EML4: variants seen among roughly 807,000 people sequenced by gnomAD.
EML4 encodes the protein EMAP like 4.
EML4 carries 72 observed loss-of-function variants against 129.0 expected under a neutral mutation model. That is an observed-to-expected ratio of 0.56 (90% CI 0.46 to 0.68). The LOEUF is 0.68. EML4 is among the 30% of genes least tolerant of loss of function. The probability of loss-of-function intolerance (pLI) is 0.00; values close to 1 mark genes in which losing one functional copy is unlikely to be tolerated. For missense variants in EML4, 1,363 were observed against 1,190.6 expected, an observed-to-expected ratio of 1.14 and a Z score of -2.13; for synonymous variants, 532 against 405.0, an observed-to-expected ratio of 1.31 and a Z score of -3.77.
In EML4 at chr2:42,183,012, C is replaced by T. The variant is rs559267537; in HGVS notation, c.25+13376C>T. Among the ~76,000 whole-genome samples, 4 of 152,188 alleles carry T rather than the reference C, an allele frequency of 2.6e-5. No homozygotes were observed. In the South Asian group the frequency reaches 8.3e-4, roughly 32 times the overall value. On this transcript the variant is annotated intron_variant, in intron 1 of 22. Transcript: ENST00000318522. Reference sequence around the variant, plus strand: ...TCTACCAAAAGTACAAAAAATTAGCCAGGCATGGTGGTGCACTCCTGTGAT... The same window carrying T: ...TCTACCAAAAGTACAAAAAATTAGCTAGGCATGGTGGTGCACTCCTGTGAT...
intron 17 of EML4, among the ~76,000 whole-genome samples, chr2:42,307,725 T>C (rs1396752722): frequency 6.6e-6 from 1 of 152,210 alleles, no homozygotes; most frequent in East Asian, 1.9e-4. Context: ...ATGATCCCAG[T>C]TCACTGTAAC....
At chr2:42,310,562 T>G (rs1231690476) in intron 17 of EML4, among the ~76,000 whole-genome samples, 4 of 152,168 alleles carry the variant, frequency 2.6e-5, no homozygotes, top group African/African-American at 7.2e-5. Flanking sequence ...GTCAAGCTGG[T>G]CTTGAACTCC....
chr2:42,234,576 C>T (rs758179177), intron 1 of EML4, among the ~76,000 whole-genome samples: 1 of 152,214 alleles, frequency 6.6e-6, no homozygotes, highest in Non-Finnish European at 1.5e-5. Flanking sequence ...TAGCCCCCTT[C>T]TCCCTGTAAA....
intron 19 of EML4, among the ~76,000 whole-genome samples, chr2:42,321,610 G>C (rs1384945806): frequency 6.6e-6 from 1 of 152,056 alleles, no homozygotes; most frequent in Non-Finnish European, 1.5e-5. Flanking sequence ...CACTAAGTCA[G>C]TTCTCAGAGT....
chr2:42,190,030 C>A, intron 1 of EML4, among the ~76,000 whole-genome samples: 1 of 150,442 alleles, frequency 6.6e-6, no homozygotes, highest in African/African-American at 2.4e-5. Context: ...TGTTTTACAA[C>A]CAGAAGAGGT....
intron 16 of EML4, 131 bp from the exon 17 acceptor site, chr2:42,304,353 T>C (rs550187041): frequency 4.4e-6 from 3 of 684,360 alleles, no homozygotes; most frequent in African/African-American, 3.6e-5. Context: ...TGTGTGGTAT[T>C]TCTCATTAGC....
At chr2:42,245,779 G>T in intron 2 of EML4, 92 bp downstream of exon 2, 2 of 1,179,128 alleles carry the variant, frequency 1.7e-6, no homozygotes, top group South Asian at 1.9e-5. Context: ...TTTCTTATGT[G>T]GATTACTTGT....
At chr2:42,314,178 G>A (rs1669109738) in intron 17 of EML4, among the ~76,000 whole-genome samples, 1 of 152,074 alleles carries the variant, frequency 6.6e-6, no homozygotes, top group African/African-American at 2.4e-5. Context: ...GGCCAACATG[G>A]TAAAACCCTG....
intron 1 of EML4, among the ~76,000 whole-genome samples, chr2:42,216,804 C>T (rs1238154117): frequency 6.6e-6 from 1 of 152,162 alleles, no homozygotes; most frequent in Non-Finnish European, 1.5e-5. Context: ...TGGAGGAAAG[C>T]TATTGAACCA....
intron 1 of EML4, among the ~76,000 whole-genome samples, chr2:42,221,796 G>T (rs1020717556): frequency 2.0e-5 from 3 of 151,940 alleles, no homozygotes; most frequent in Non-Finnish European, 4.4e-5. Context: ...TAGAGACAAG[G>T]TTTCGTCGTG....
chr2:42,330,329 T>A lies in EML4; in HGVS notation c.*122T>A. 1.1e-6 allele frequency: 1 copy of A among 875,144 alleles called. No homozygotes were observed. The highest frequency in any genetic ancestry group is 2.6e-5 in the East Asian group (1 of 38,278). 54.2% of individuals were successfully genotyped at this position (875,144 alleles called of 1,614,324 possible). A position where few individuals can be genotyped will look rare whatever the true frequency, so the allele number is the denominator to read the frequency against. ...ATTGAGATTTTGGTTTCCATGTGAT[T>A]TGTTTTCTTCAATAGTCTTATTTTC... On this transcript the variant is annotated 3_prime_UTR_variant, in exon 23 of 23. Transcript: ENST00000318522.
intron 6 of EML4, among the ~76,000 whole-genome samples, chr2:42,274,277 A>T (rs1666532670): frequency 1.3e-5 from 2 of 152,178 alleles, no homozygotes; most frequent in Admixed American, 1.3e-4. Context: ...AATACAGATT[A>T]AAAAATGGAT....
intron 1 of EML4, among the ~76,000 whole-genome samples, chr2:42,219,923 C>CT (rs1673459702): frequency 1.2e-5 from 1 of 86,522 alleles, no homozygotes; most frequent in Admixed American, 9.6e-5. Flanking sequence ...GAGACTCCAT[C>CT]TAAAAAAAAA....
chr2:42,192,086 C>T (rs1354079989), intron 1 of EML4, among the ~76,000 whole-genome samples: 12 of 148,440 alleles, frequency 8.1e-5, no homozygotes, highest in East Asian at 5.9e-4. Context: ...TGCAGTGATC[C>T]GAGATCAGGC....
At chr2:42,306,145 C>G (rs1340272352) in intron 17 of EML4, among the ~76,000 whole-genome samples, 5 of 152,124 alleles carry the variant, frequency 3.3e-5, no homozygotes, top group African/African-American at 9.7e-5. Context: ...CAGATCTTCC[C>G]CAAAACACGT....
chr2:42,238,021 T>C (rs1674783146), intron 1 of EML4, among the ~76,000 whole-genome samples: 1 of 152,226 alleles, frequency 6.6e-6, no homozygotes, highest in African/African-American at 2.4e-5. Flanking sequence ...GACACCTTTG[T>C]TTTCTGATAG....
intron 1 of EML4, among the ~76,000 whole-genome samples, chr2:42,184,670 A>T (rs1402540264): frequency 6.6e-6 from 1 of 152,002 alleles, no homozygotes. Flanking sequence ...TGTTTATCCA[A>T]AGTAGTTTAA....
intron 2 of EML4, among the ~76,000 whole-genome samples, chr2:42,253,506 TA>T (rs1436525804): frequency 5.9e-5 from 9 of 152,186 alleles, no homozygotes; most frequent in Non-Finnish European, 1.3e-4. Context: ...TAGCATGTGG[TA>T]GGTCATTCTG....
chr2:42,192,765 A>C (rs1402767440), intron 1 of EML4, among the ~76,000 whole-genome samples: 1 of 152,202 alleles, frequency 6.6e-6, no homozygotes, highest in Non-Finnish European at 1.5e-5. Flanking sequence ...AAAAACAGTG[A>C]TAAATGAAGC....
Sources: allele counts gnomAD v4.1 joint callset (sites outside exome capture counted in the v4.1 genomes callset), GRCh38; gene constraint gnomAD v4.1.1; transcripts MANE v1.5; gene names NCBI Gene and HGNC (gene_info 2026-07-23, HGNC 2026-07-21).